Variants in ZNF81 observed in about 807,000 individuals in gnomAD.
ZNF81 encodes the protein zinc finger protein 81.
A neutral mutation model predicts 32.3 loss-of-function variants in ZNF81; 5 were observed. The ratio of observed to expected loss-of-function variants is 0.15; its 90% CI spans 0.08 to 0.33. The LOEUF is 0.33. ZNF81 is among the 10% of genes least tolerant of loss of function. The pLI is 1.00. For missense variants in ZNF81, 379 were observed against 479.8 expected (o/e 0.79, Z 1.96); for synonymous variants, 163 against 166.8 (o/e 0.98, Z 0.17).
Position 47,924,930 on chromosome X carries a change from A to G in ZNF81, c.*8298A>G, listed in dbSNP as rs1459055359. Reference sequence around the variant, plus strand: ...ATTGAAAACACAGTACAACCTATATAACATCCATCTAGATTTAACAATTTA... The same window carrying G: ...ATTGAAAACACAGTACAACCTATATGACATCCATCTAGATTTAACAATTTA... On this transcript the variant is annotated 3_prime_UTR_variant, in exon 5 of 5. Transcript: ENST00000338637. Among the ~76,000 whole-genome samples, 1 of 111,774 alleles carries G rather than the reference A, an allele frequency of 8.9e-6. No individual in the cohort carries two copies. Among genetic ancestry groups the G allele is most frequent in the African/African-American group, 3.3e-5 (1 of 30,757 alleles).
At position 47,920,206 on chromosome X, in the gene ZNF81, A is replaced by G. The variant is rs1473358719; in HGVS notation, c.*3574A>G. ...GCTTGAGGTAGGCACTGGTTTGCCCAGAGAATTTTTATTTTTCCCAGACCA... is the reference window on the plus strand; with the variant it reads ...GCTTGAGGTAGGCACTGGTTTGCCCGGAGAATTTTTATTTTTCCCAGACCA... On this transcript the variant is annotated 3_prime_UTR_variant, in exon 5 of 5. Transcript: ENST00000338637. The G allele has an allele frequency of 1.8e-5, 2 of 111,991 alleles. No homozygotes were observed. The highest frequency in any genetic ancestry group is 3.8e-5 in the Non-Finnish European group (2 of 53,219). 9.2% of individuals were successfully genotyped at this position (111,991 alleles called of 1,213,427 possible).
At chrX:47,864,670 G>A (rs182234629) in intron 2 of ZNF81, among the ~76,000 whole-genome samples, 1 of 112,045 alleles carries the variant, frequency 8.9e-6, no homozygotes, top group Non-Finnish European at 1.9e-5. Context: ...ATGGATGATG[G>A]ATCCAGGCAG....
chrX:47,904,712 G>A (rs1269942286), intron 4 of ZNF81, among the ~76,000 whole-genome samples: 1 of 111,547 alleles, frequency 9.0e-6, no homozygotes, highest in African/African-American at 3.3e-5. Context: ...CCCATTACTG[G>A]GTATATACCC....
At position 47,917,782 on chromosome X, in the gene ZNF81, A is replaced by G. The variant is rs782418826; in HGVS notation, c.*1150A>G. On this transcript the variant is annotated 3_prime_UTR_variant, in exon 5 of 5. Transcript: ENST00000338637. ...TAAAATGATGATAGTTTTAAGCAAC[A>G]TGAGTTTTGGGGTTAGTTTGTTGTA... The G allele has an allele frequency of 8.8e-6, 1 of 113,012 alleles. No homozygotes were observed. Among genetic ancestry groups the G allele is most frequent in the Non-Finnish European group, 1.8e-5 (1 of 54,100 alleles). The allele number at this position is 113,012 out of a possible 1,213,427, so 9.3% of individuals were successfully genotyped here. A position where few individuals can be genotyped will look rare whatever the true frequency, so the allele number is the denominator to read the frequency against.
intron 2 of ZNF81, among the ~76,000 whole-genome samples, chrX:47,865,197 C>T (rs781932060): frequency 2.7e-5 from 3 of 111,713 alleles, no homozygotes; most frequent in Non-Finnish European, 5.6e-5. Flanking sequence ...CATGTAAAAC[C>T]GAGATGCCAC....
chrX:47,880,541 C>G (rs1351811957), intron 2 of ZNF81, among the ~76,000 whole-genome samples: 3 of 112,281 alleles, frequency 2.7e-5, no homozygotes, highest in Non-Finnish European at 3.8e-5. Context: ...ATTAGCATTT[C>G]TCAGCTGGAA....
At chrX:47,870,906 T>G (rs1438801527) in intron 2 of ZNF81, among the ~76,000 whole-genome samples, 1 of 112,451 alleles carries the variant, frequency 8.9e-6, no homozygotes, top group African/African-American at 3.2e-5. Context: ...GACACAATAC[T>G]AACCAAGTAA....
At chrX:47,857,324 G>A (rs2148011631) in intron 2 of ZNF81, among the ~76,000 whole-genome samples, 1 of 109,067 alleles carries the variant, frequency 9.2e-6, no homozygotes, top group African/African-American at 3.4e-5. Context: ...GAGCATGAAA[G>A]CATGAAATTA....
At chrX:47,871,277 T>TAA (rs2058579358) in intron 2 of ZNF81, among the ~76,000 whole-genome samples, 1 of 112,094 alleles carries the variant, frequency 8.9e-6, no homozygotes, top group Non-Finnish European at 1.9e-5. Flanking sequence ...ATTTCCCCTA[T>TAA]TATATGACAG....
In ZNF81 at chrX:47,844,955, T is replaced by C. The variant is rs782328532; in HGVS notation, c.-163-1150T>C. 3.5e-3 allele frequency among the ~76,000 whole-genome samples: 388 copies of C among 112,367 alleles called. 1 individual carries two copies. The Middle Eastern group carries it at 0.037, about 11-fold the overall frequency. On this transcript the variant is annotated intron_variant, in intron 1 of 4. Transcript: ENST00000338637. ...TCCTAATGACTGATGTTGTTGAACA[T>C]CTTATGTTACGATCAGAGAATGTAA...
intron 4 of ZNF81, among the ~76,000 whole-genome samples, chrX:47,904,486 A>G (rs1300562871): frequency 9.3e-6 from 1 of 108,042 alleles, no homozygotes; most frequent in Non-Finnish European, 1.9e-5. Flanking sequence ...TGGCCATCAG[A>G]GAAATGCAAA....
chrX:47,881,858 C>A (rs1341571218), intron 2 of ZNF81, among the ~76,000 whole-genome samples: 1 of 111,827 alleles, frequency 8.9e-6, no homozygotes, highest in Admixed American at 9.5e-5. Context: ...ATCACTGTAA[C>A]CTCAAACTCC....
chrX:47,890,642 A>G (rs1471052431), intron 3 of ZNF81, among the ~76,000 whole-genome samples: 5 of 111,769 alleles, frequency 4.5e-5, no homozygotes, highest in African/African-American at 1.6e-4. Flanking sequence ...AGCAGCCTGG[A>G]TCTGTTGTAG....
chrX:47,919,442 T>A lies in ZNF81; in HGVS notation c.*2810T>A, dbSNP rs1556891576. ...ATTCTTACAATTTTCATATATCTGC[T>A]GAAATTCCCCATCTTTTCATGCATG... On this transcript the variant is annotated 3_prime_UTR_variant, in exon 5 of 5. Transcript: ENST00000338637. 4.9e-6 allele frequency: 1 copy of A among 206,105 alleles called. No individual in the cohort carries two copies. The highest frequency in any genetic ancestry group is 6.4e-5 in the Admixed American group (1 of 15,588). 17.0% of individuals were successfully genotyped at this position (206,105 alleles called of 1,213,427 possible).
intron 2 of ZNF81, among the ~76,000 whole-genome samples, chrX:47,862,023 C>T (rs891249061): frequency 9.0e-6 from 1 of 111,416 alleles, no homozygotes; most frequent in Non-Finnish European, 1.9e-5. Context: ...GCAGGGTACA[C>T]ATAAATAACA....
intron 3 of ZNF81, among the ~76,000 whole-genome samples, chrX:47,895,185 A>C (rs1005897660): frequency 1.8e-5 from 2 of 111,349 alleles, no homozygotes; most frequent in African/African-American, 6.5e-5. Flanking sequence ...ATACTTCAGA[A>C]TGTGACCATA....
At chrX:47,840,991 A>T in intron 1 of ZNF81, 1 of 729,614 alleles carries the variant, frequency 1.4e-6, no homozygotes, top group Non-Finnish European at 2.1e-6. Context: ...GAGCAGATTG[A>T]TGTGTTCACC....
At chrX:47,898,777 A>T (rs1371818353) in intron 4 of ZNF81, among the ~76,000 whole-genome samples, 1 of 112,127 alleles carries the variant, frequency 8.9e-6, no homozygotes, top group African/African-American at 3.2e-5. Flanking sequence ...CATAGAGGTC[A>T]TAGGAAACCT....
intron 4 of ZNF81, among the ~76,000 whole-genome samples, chrX:47,908,480 C>T (rs1556889439): frequency 8.9e-6 from 1 of 111,861 alleles, no homozygotes; most frequent in Non-Finnish European, 1.9e-5. Flanking sequence ...ATAGGCATTA[C>T]CTACTAACAC....
Sources: gnomAD v4.1 joint callset for allele counts (sites outside exome capture counted in the v4.1 genomes callset) on GRCh38, gnomAD v4.1.1 for gene constraint, MANE v1.5 for transcripts, NCBI Gene and HGNC (gene_info 2026-07-23, HGNC 2026-07-21) for gene names.